Variants in GALNTL6 observed in about 807,000 individuals in gnomAD.
GALNTL6 encodes the protein polypeptide N-acetylgalactosaminyltransferase like 6.
In GALNTL6, 46 loss-of-function variants were observed where a neutral mutation model predicts 73.7. The observed-to-expected ratio is 0.62, with a 90% CI of 0.49 to 0.80. GALNTL6 has a LOEUF of 0.80. Ranked by LOEUF, GALNTL6 falls within the 30% of genes least tolerant of loss-of-function variation. The pLI, the probability that GALNTL6 is intolerant of heterozygous loss-of-function variation, is 0.00. For synonymous variants in GALNTL6, 259 were observed against 263.7 expected (o/e 0.98, Z 0.17); for missense variants, 604 against 755.0 (o/e 0.80, Z 2.34).
At chr4:172,724,402 A>G (rs545413792) in intron 5 of GALNTL6, among the ~76,000 whole-genome samples, 115 of 152,342 alleles carry the variant, frequency 7.5e-4, no homozygotes, top group African/African-American at 2.6e-3. Flanking sequence ...AAGGAAACTC[A>G]GGACTAGTGA....
intron 2 of GALNTL6, among the ~76,000 whole-genome samples, chr4:171,872,950 T>G (rs758711061): frequency 6.6e-6 from 1 of 152,142 alleles, no homozygotes; most frequent in Non-Finnish European, 1.5e-5. Context: ...AAATGTCTAT[T>G]AATAGATACA....
intron 2 of GALNTL6, among the ~76,000 whole-genome samples, chr4:171,821,618 CA>C (rs1734686174): frequency 6.8e-6 from 1 of 147,324 alleles, no homozygotes; most frequent in Admixed American, 6.8e-5. Flanking sequence ...GCATCTTTAA[CA>C]GTATATAACA....
At chr4:172,872,255 C>T (rs925945749) in intron 7 of GALNTL6, among the ~76,000 whole-genome samples, 3 of 152,126 alleles carry the variant, frequency 2.0e-5, no homozygotes, top group Non-Finnish European at 2.9e-5. Context: ...ATTATGTGAT[C>T]GTCAGGGCGG....
At chr4:172,106,330 G>T (rs939017207) in intron 2 of GALNTL6, among the ~76,000 whole-genome samples, 2 of 152,152 alleles carry the variant, frequency 1.3e-5, no homozygotes, top group African/African-American at 4.8e-5. Context: ...AGGGTTTAGT[G>T]ATTTTGCATA....
chr4:172,426,211 A>T (rs2111371855), intron 5 of GALNTL6, among the ~76,000 whole-genome samples: 1 of 152,256 alleles, frequency 6.6e-6, no homozygotes, highest in East Asian at 1.9e-4. Context: ...TCTTGTACAT[A>T]GTGGCTTTGT....
At chr4:171,963,074 T>TC (rs1460329554) in intron 2 of GALNTL6, among the ~76,000 whole-genome samples, 1 of 151,840 alleles carries the variant, frequency 6.6e-6, no homozygotes, top group African/African-American at 2.4e-5. Flanking sequence ...CCTACTTTTT[T>TC]TTTTTTTTTT....
intron 4 of GALNTL6, among the ~76,000 whole-genome samples, chr4:172,339,391 G>C (rs2134664): frequency 6.6e-6 from 1 of 151,396 alleles, no homozygotes; most frequent in African/African-American, 2.4e-5. Context: ...TCTTGCCCTA[G>C]ACCTGTGGCA....
chr4:172,578,163 T>C (rs1737031997), intron 5 of GALNTL6, among the ~76,000 whole-genome samples: 1 of 152,228 alleles, frequency 6.6e-6, no homozygotes, highest in African/African-American at 2.4e-5. Context: ...AATTGTTATC[T>C]GATGCCATAG....
chr4:172,541,063 T>A (rs1735535221), intron 5 of GALNTL6, among the ~76,000 whole-genome samples: 1 of 152,182 alleles, frequency 6.6e-6, no homozygotes, highest in Admixed American at 6.5e-5. Flanking sequence ...AAGAAAGATA[T>A]TTTGGCCTAA....
chr4:171,927,148 G>A (rs941696957), intron 2 of GALNTL6, among the ~76,000 whole-genome samples: 3 of 152,032 alleles, frequency 2.0e-5, no homozygotes, highest in Admixed American at 2.0e-4. Flanking sequence ...TAGGAAAAGT[G>A]TCTAGTATCT....
intron 5 of GALNTL6, among the ~76,000 whole-genome samples, chr4:172,705,509 G>T (rs935781795): frequency 1.1e-4 from 16 of 147,308 alleles, no homozygotes; most frequent in African/African-American, 4.0e-4. Context: ...TTGACTTTTT[G>T]TTGTTCCAAT....
intron 2 of GALNTL6, among the ~76,000 whole-genome samples, chr4:172,204,041 C>T (rs772060600): frequency 2.0e-5 from 3 of 151,996 alleles, no homozygotes; most frequent in Admixed American, 6.6e-5. Context: ...CCACTGCACC[C>T]GGCCAACAGA....
intron 5 of GALNTL6, among the ~76,000 whole-genome samples, chr4:172,416,042 T>G (rs1730818158): frequency 6.6e-6 from 1 of 152,112 alleles, no homozygotes. Flanking sequence ...TGAGGGGTGG[T>G]CTCCTCCCTT....
chr4:172,343,283 C>T (rs1741633325), intron 4 of GALNTL6, among the ~76,000 whole-genome samples: 1 of 152,124 alleles, frequency 6.6e-6, no homozygotes, highest in African/African-American at 2.4e-5. Context: ...TTGTAACACC[C>T]TTTCCAAAAC....
rs559213779 is a variant in GALNTL6, at chr4:172,783,068, T to G, written c.554-26293T>G. On this transcript the variant is annotated intron_variant, in intron 5 of 12. Transcript: ENST00000506823. ...CTCATTTCAAACGTTTCAAGTTGTT[T>G]GCACCACTTGAAACATAACCACCAA... is the stretch of plus-strand genomic sequence containing the variant. 9.9e-4 allele frequency among the ~76,000 whole-genome samples: 150 copies of G among 151,856 alleles called. 1 individual carries two copies. Among genetic ancestry groups the G allele is most frequent in the African/African-American group, 3.4e-3 (141 of 41,432 alleles).
At chr4:172,576,153 A>G (rs954033882) in intron 5 of GALNTL6, among the ~76,000 whole-genome samples, 1 of 152,182 alleles carries the variant, frequency 6.6e-6, no homozygotes, top group African/African-American at 2.4e-5. Context: ...AACTATGTTA[A>G]AGGTGGTATC....
chr4:172,271,066 A>G (rs747550533), intron 3 of GALNTL6, among the ~76,000 whole-genome samples: 3 of 152,172 alleles, frequency 2.0e-5, no homozygotes. Context: ...TTCAGGGAAG[A>G]TTTGACTAGG....
intron 4 of GALNTL6, among the ~76,000 whole-genome samples, chr4:172,313,248 C>G (rs1740427494): frequency 6.6e-6 from 1 of 151,748 alleles, no homozygotes; most frequent in Non-Finnish European, 1.5e-5. Context: ...GCCTCAGCCT[C>G]CCGAGTAGCT....
chr4:172,083,545 C>T (rs1038016861), intron 2 of GALNTL6, among the ~76,000 whole-genome samples: 10 of 152,150 alleles, frequency 6.6e-5, no homozygotes, highest in Non-Finnish European at 1.5e-4. Context: ...AAATAGAATT[C>T]CCTTAGATAT....
Sources: gnomAD v4.1 joint callset for allele counts (sites outside exome capture counted in the v4.1 genomes callset) on GRCh38, gnomAD v4.1.1 for gene constraint, MANE v1.5 for transcripts, NCBI Gene and HGNC (gene_info 2026-07-23, HGNC 2026-07-21) for gene names.